The following SPATA13 variants were observed in gnomAD, a reference collection of about 807,000 sequenced individuals.
SPATA13 encodes spermatogenesis-associated protein 13.
Under a neutral mutation model 104.0 loss-of-function variants are expected in SPATA13, and 50 were observed. The ratio of observed to expected loss-of-function variants is 0.48; its 90% confidence interval spans 0.38 to 0.61. SPATA13 has a LOEUF of 0.61. Ranked by LOEUF, SPATA13 falls within the 20% of genes least tolerant of loss-of-function variation. The pLI, the probability that SPATA13 is intolerant of heterozygous loss-of-function variation, is 0.00. For missense variants in SPATA13, 1,524 were observed against 1,690.6 expected (o/e 0.90, Z 1.73); for synonymous variants, 606 against 667.5 (o/e 0.91, Z 1.42).
rs74665457 is a variant in SPATA13 at position 24,264,300 on chromosome 13, A to G, written c.2164+12438A>G. On this transcript the variant is annotated intron_variant, in intron 4 of 12. Coordinates refer to ENST00000382108, the MANE Select transcript of SPATA13 (RefSeq NM_001166271.3). ...TTTAAAAGAAGAAGAAAGAATATTAAAAGTCAGAGGAAGGAGAGCAAGACA... is the reference window on the plus strand; with the variant it reads ...TTTAAAAGAAGAAGAAAGAATATTAGAAGTCAGAGGAAGGAGAGCAAGACA... Among the ~76,000 whole-genome samples the G allele has an allele frequency of 6.6e-3, 1,005 of 152,308 alleles. 12 individuals are homozygous for G. Among genetic ancestry groups the G allele is most frequent in the East Asian group, 0.038 (195 of 5,186 alleles).
intron 3 of SPATA13, among the ~76,000 whole-genome samples, chr13:24,079,526 G>A (rs1879441462): frequency 6.6e-6 from 1 of 152,150 alleles, no homozygotes; most frequent in Non-Finnish European, 1.5e-5. Flanking sequence ...TCAGAGTCTT[G>A]TCTAGAAGTT....
chr13:24,099,171 A>G (rs1453909749), intron 3 of SPATA13, among the ~76,000 whole-genome samples: 1 of 152,140 alleles, frequency 6.6e-6, no homozygotes, highest in Non-Finnish European at 1.5e-5. Context: ...TCTCTTGAAA[A>G]TCTGTGAATA....
chr13:24,301,426 C>G (rs1327397585), intron 12 of SPATA13, among the ~76,000 whole-genome samples: 2 of 152,214 alleles, frequency 1.3e-5, no homozygotes, highest in African/African-American at 2.4e-5. Flanking sequence ...ATCTTTAAGG[C>G]AGAAAAACCC....
intron 2 of SPATA13, among the ~76,000 whole-genome samples, chr13:24,243,784 C>A (rs1027134093): frequency 6.6e-6 from 1 of 152,172 alleles, no homozygotes; most frequent in African/African-American, 2.4e-5. Context: ...TATGTGAATT[C>A]TTTTGGTAGC....
intron 4 of SPATA13, among the ~76,000 whole-genome samples, chr13:24,269,825 T>C (rs1874480414): frequency 1.4e-5 from 2 of 146,266 alleles, no homozygotes; most frequent in African/African-American, 5.0e-5. Context: ...CTGGGCTCAA[T>C]TGATCCTCCC....
At chr13:24,093,187 A>G (rs889142136) in intron 3 of SPATA13, among the ~76,000 whole-genome samples, 4 of 152,238 alleles carry the variant, frequency 2.6e-5, no homozygotes, top group Non-Finnish European at 4.4e-5. Flanking sequence ...GAGAGACATC[A>G]GTGGGAATCT....
rs954613735 is a variant in SPATA13 at position 24,293,608 on chromosome 13, C to A, written c.3081-1131C>A. 5.9e-5 allele frequency among the ~76,000 whole-genome samples: 9 copies of A among 152,312 alleles called. 3 individuals are homozygous for A. The highest frequency in any genetic ancestry group is 2.1e-4 in the South Asian group (1 of 4,834). ...TCTTAAGTAAAACAAAGCAAAAATT[C>A]TTTTAAAAAAACCATTACAATTTAG... On this transcript the variant is annotated intron_variant, in intron 9 of 12. Transcript: ENST00000382108.
At chr13:24,216,786 C>CA (rs1297850381) in intron 1 of SPATA13, among the ~76,000 whole-genome samples, 1 of 152,198 alleles carries the variant, frequency 6.6e-6, no homozygotes, top group Non-Finnish European at 1.5e-5. Context: ...CATGGTGGCT[C>CA]ATGCCTGTAA....
At chr13:24,214,209 C>T (rs1465798542) in intron 1 of SPATA13, among the ~76,000 whole-genome samples, 1 of 152,194 alleles carries the variant, frequency 6.6e-6, no homozygotes, top group Non-Finnish European at 1.5e-5. Flanking sequence ...AAGCAGCCAC[C>T]TGCACATGTG....
chr13:24,126,539 G>T (rs1389708343), intron 3 of SPATA13, among the ~76,000 whole-genome samples: 1 of 152,026 alleles, frequency 6.6e-6, no homozygotes, highest in Non-Finnish European at 1.5e-5. Context: ...ATATATTTGT[G>T]TGTGTGTGAG....
intron 2 of SPATA13, among the ~76,000 whole-genome samples, chr13:24,007,499 C>A (rs1029362907): frequency 6.6e-6 from 1 of 152,200 alleles, no homozygotes. Context: ...TCTGTCAGCC[C>A]AGGCTGAAGT....
At position 24,249,849 on chromosome 13, in the gene SPATA13, TCTG is replaced by T. The variant is rs1873385477; in HGVS notation, c.2019+8_2019+10del. The T allele has an allele frequency of 6.3e-7, 1 of 1,587,384 alleles. No individual in the cohort carries two copies. The highest frequency in any genetic ancestry group is 1.1e-5 in the South Asian group (1 of 87,620). ...GGACAATCTTCTGACCCAAGTAAGA[TCTG>T]GTGTGCACTTCCCCAAGCCAGCAGA... On this transcript the variant is annotated splice_region_variant and intron_variant, in intron 3 of 12. Coordinates refer to ENST00000382108, the MANE Select transcript of SPATA13 (RefSeq NM_001166271.3).
chr13:24,286,580 G>A lies in SPATA13; in HGVS notation c.2482-185G>A, dbSNP rs1875963500. Among the ~76,000 whole-genome samples, 1 of 152,154 alleles carries A rather than the reference G, an allele frequency of 6.6e-6. No homozygotes were observed. Among genetic ancestry groups the A allele is most frequent in the Non-Finnish European group, 1.5e-5 (1 of 68,018 alleles). On this transcript the variant is annotated intron_variant, in intron 6 of 12. Transcript: ENST00000382108. The surrounding 1 kb of genome is among the most constrained non-coding windows in gnomAD (Gnocchi z 4.9). ...AAGGCAGGCAAGCGAGTTGCTCGGT[G>A]TTTCTCTGTGGTCCTCGTGCCTGCT... is the stretch of plus-strand genomic sequence containing the variant.
At chr13:24,179,584 G>A (rs551803927) in intron 1 of SPATA13, among the ~76,000 whole-genome samples, 47 of 94,184 alleles carry the variant, frequency 5.0e-4, no homozygotes, top group African/African-American at 1.3e-3. Flanking sequence ...CTGAAACTCT[G>A]TACAGATTAA....
upstream of SPATA13, among the ~76,000 whole-genome samples, chr13:24,159,078 A>G (rs1822583012): frequency 6.6e-6 from 1 of 151,860 alleles, no homozygotes; most frequent in Non-Finnish European, 1.5e-5. Flanking sequence ...TGCTCCTCAG[A>G]TTTGTGCTAA....
chr13:24,092,715 G>T (rs1376746589), intron 3 of SPATA13, among the ~76,000 whole-genome samples: 1 of 152,142 alleles, frequency 6.6e-6, no homozygotes, highest in Non-Finnish European at 1.5e-5. Flanking sequence ...CTTTCAAACT[G>T]CCACATTTGG....
chr13:24,174,204 A>G (rs565365973), intron 1 of SPATA13, among the ~76,000 whole-genome samples: 1 of 152,328 alleles, frequency 6.6e-6, no homozygotes, highest in African/African-American at 2.4e-5. Flanking sequence ...GTTTTTAAAG[A>G]AAGCGGTCCA....
intron 2 of SPATA13, among the ~76,000 whole-genome samples, chr13:24,233,778 CT>C (rs1229396341): frequency 1.3e-5 from 2 of 152,086 alleles, no homozygotes; most frequent in Non-Finnish European, 2.9e-5. Flanking sequence ...AAATTATGTA[CT>C]TGTGAAGTTC....
At chr13:24,087,367 C>G (rs1319791857) in intron 3 of SPATA13, among the ~76,000 whole-genome samples, 1 of 152,228 alleles carries the variant, frequency 6.6e-6, no homozygotes, top group Admixed American at 6.5e-5. Context: ...CTCCCTCCCC[C>G]AGGGGCAGGA....
Sources: allele counts gnomAD v4.1 joint callset (sites outside exome capture counted in the v4.1 genomes callset), GRCh38; gene constraint gnomAD v4.1.1; non-coding constraint Gnocchi (gnomAD v3.1); transcripts MANE v1.5; gene names NCBI Gene and HGNC (gene_info 2026-07-23, HGNC 2026-07-21).